The following AMBN variants were observed in gnomAD, a reference collection of about 807,000 sequenced individuals.
AMBN encodes ameloblastin, also known as enamel matrix protein.
A neutral mutation model predicts 48.0 loss-of-function variants in AMBN; 54 were observed. That is an observed-to-expected ratio of 1.12 (90% CI 0.90 to 1.41). The LOEUF (loss-of-function observed/expected upper bound fraction) is 1.41, where lower values mean the gene tolerates loss of function less well. AMBN is among the 40% of genes most tolerant of loss of function. The pLI, the probability that AMBN is intolerant of heterozygous loss-of-function variation, is 0.00. For synonymous variants in AMBN, 186 were observed against 190.0 expected, an observed-to-expected ratio of 0.98 and a Z score of 0.17; for missense variants, 571 against 547.3, an observed-to-expected ratio of 1.04 and a Z score of -0.43.
chr4:70,603,079 A>AT lies in AMBN; in HGVS notation c.648+75dup, dbSNP rs1334831743. ...TCTATATTTCAAAAAATAAGAGTGA[A>AT]TTTTTTCATTGTCCCATTTATCCAT... On this transcript the variant is annotated intron_variant, in intron 9 of 12. Coordinates refer to ENST00000322937, the MANE Select transcript of AMBN (RefSeq NM_016519.6). The AT allele has an allele frequency of 4.6e-6, 7 of 1,509,030 alleles. No homozygotes were observed. In the East Asian group the frequency reaches 1.6e-4, roughly 34 times the overall value. The allele number at this position is 1,509,030 out of a possible 1,614,324, so 93.5% of individuals were successfully genotyped here.
intron 6 of AMBN, chr4:70,601,911 A>G (rs772271187): frequency 1.7e-6 from 1 of 583,278 alleles, no homozygotes; most frequent in South Asian, 1.5e-5. Context: ...TAGTTGCGAA[A>G]GATGAAAACT....
At position 70,603,436 on chromosome 4, in the gene AMBN, C is replaced by T. The variant is rs140073076; in HGVS notation, c.729C>T (p.Tyr243=). The part of the protein sequence containing the change: ...KQSPLYPGML[Y]VPFGANQLNA... Reference sequence around the variant, plus strand: ...TTTAGCTTTATCCAGGAATGTTGTACGTGCCTTTTGGAGCAAATCAATTGG... The same window carrying T: ...TTTAGCTTTATCCAGGAATGTTGTATGTGCCTTTTGGAGCAAATCAATTGG... The change falls in exon 11 of 13, where the codon TAC becomes TAT. Residue 243 remains tyrosine (Y), a synonymous_variant. Transcript: ENST00000322937. The T allele has an allele frequency of 2.9e-5, 47 of 1,612,668 alleles. 1 individual carries two copies. The African/African-American group carries it at 3.5e-4, about 12-fold the overall frequency.
intron 4 of AMBN, 63 bp from the exon 5 acceptor site, chr4:70,599,473 A>G (rs1423966484): frequency 7.8e-7 from 1 of 1,280,692 alleles, no homozygotes; most frequent in Non-Finnish European, 1.1e-6. Flanking sequence ...GGAAAACCAA[A>G]TATAACCAAT....
chr4:70,599,581 C>T lies in AMBN; in HGVS notation c.229C>T (p.His77Tyr), dbSNP rs1254721020. ...FGKSFNSLWM[H>Y]GLLPPHSSLP... ...AAAATCATTTAATTCTTTGTGGATGCACGGTCTCCTCCCACCACATTCCTC... is the reference window on the plus strand; with the variant it reads ...AAAATCATTTAATTCTTTGTGGATGTACGGTCTCCTCCCACCACATTCCTC... The change falls in exon 5 of 13, where the codon CAC becomes TAC. Residue 77 changes from histidine to tyrosine, a missense_variant. By Grantham distance (83) the His-to-Tyr change is moderately conservative (BLOSUM62 2). Transcript: ENST00000322937. 1 of 1,613,308 alleles carries T rather than the reference C, an allele frequency of 6.2e-7. No individual in the cohort carries two copies. Among genetic ancestry groups the T allele is most frequent in the Admixed American group, 1.7e-5 (1 of 59,946 alleles).
Position 70,599,554 on chromosome 4 carries a change from G to A in AMBN, c.202G>A (p.Gly68Arg), listed in dbSNP as rs201505714. 1.1e-4 allele frequency: 182 copies of A among 1,611,950 alleles called. No individual in the cohort carries two copies. Among genetic ancestry groups the A allele is most frequent in the Non-Finnish European group, 2.4e-5 (28 of 1,178,894 alleles). The change falls in exon 5 of 13, where the codon GGA (glycine) becomes AGA (arginine). Residue 68 changes from glycine (G) to arginine (R), a missense_variant. By Grantham distance (125) the Gly-to-Arg change is moderately radical. Transcript: ENST00000322937. ...TLSQYSRYGF[G>R]KSFNSLWMHG... ...TCTTTAGTATTCTAGATACGGCTTT[G>A]GAAAATCATTTAATTCTTTGTGGAT...
chr4:70,592,789 A>G (rs1180700794), intron 1 of AMBN, among the ~76,000 whole-genome samples: 1 of 152,178 alleles, frequency 6.6e-6, no homozygotes, highest in African/African-American at 2.4e-5. Context: ...AAGATAGCCA[A>G]TTTACTCTCA....
In AMBN at chr4:70,606,454, C is replaced by T. The variant is rs751867964; in HGVS notation, c.1068C>T (p.Leu356=). The T allele has an allele frequency of 6.2e-7, 1 of 1,613,958 alleles. No homozygotes were observed. Among genetic ancestry groups the T allele is most frequent in the Non-Finnish European group, 8.5e-7 (1 of 1,179,980 alleles). ...EPAPHAGLLA[L]PKDDIPGLPR... ...CTCCCCACGCAGGGCTCCTTGCTCT[C>T]CCTAAGGATGACATTCCCGGCCTGC... Residue 356 remains leucine, a synonymous_variant, in exon 13 of 13, where the codon CTC becomes CTT. Transcript: ENST00000322937.
chr4:70,592,660 CTATT>C (rs1331641687), intron 1 of AMBN, among the ~76,000 whole-genome samples: 3 of 151,726 alleles, frequency 2.0e-5, no homozygotes, highest in Non-Finnish European at 4.4e-5. Context: ...ATTCAGATCT[CTATT>C]CATGTAAGAA....
intron 2 of AMBN, among the ~76,000 whole-genome samples, chr4:70,596,146 C>T (rs537817133): frequency 1.7e-3 from 259 of 151,974 alleles, no homozygotes; most frequent in Middle Eastern, 3.4e-3. Flanking sequence ...AAAAATTAGC[C>T]GGGCTTGGTG....
At position 70,601,544 on chromosome 4, in the gene AMBN, A is replaced by G. The variant is rs1209216315; in HGVS notation, c.421A>G (p.Lys141Glu). 1 of 1,614,200 alleles carries G rather than the reference A, an allele frequency of 6.2e-7. No individual in the cohort carries two copies. The highest frequency in any genetic ancestry group is 8.5e-7 in the Non-Finnish European group (1 of 1,179,994). ...AACCACCAACCAGGCCACAGCACTG[A>G]AAGAAGCACTTCAGCCTCCAATTCA... Reference protein sequence around the residue: ...AATTNQATALKEALQPPIHLG... With the variant: ...AATTNQATALEEALQPPIHLG... Residue 141 changes from lysine (K) to glutamate (E), a missense_variant, in exon 6 of 13, where the codon AAA becomes GAA. Coordinates refer to ENST00000322937, the MANE Select transcript of AMBN (RefSeq NM_016519.6).
intron 2 of AMBN, among the ~76,000 whole-genome samples, chr4:70,594,490 T>C (rs1163672212): frequency 6.6e-6 from 1 of 152,244 alleles, no homozygotes; most frequent in African/African-American, 2.4e-5. Flanking sequence ...TAGCTCACAG[T>C]TGGCCTCAAA....
At position 70,603,919 on chromosome 4, in the gene AMBN, G is replaced by T. The variant is rs141521373; in HGVS notation, c.796G>T (p.Ala266Ser). ...RLGIMSSEEV[A>S]GGREDPMAYG... ...TGGCATCATGAGTTCAGAAGAAGTG[G>T]CAGTGAGTAATGTCTTCTAACTCTT... Residue 266 changes from alanine to serine, a missense_variant and splice_region_variant, in exon 12 of 13, where the codon GCA becomes TCA. By Grantham distance (99) the Ala-to-Ser change is moderately conservative (BLOSUM62 1). Coordinates refer to ENST00000322937, the MANE Select transcript of AMBN (RefSeq NM_016519.6). 11 of 1,613,776 alleles carry T rather than the reference G, an allele frequency of 6.8e-6. No homozygotes were observed. In the African/African-American group the frequency reaches 1.2e-4, roughly 18 times the overall value.
intron 3 of AMBN, 130 bp from the exon 4 acceptor site, chr4:70,598,226 G>C (rs1737432240): frequency 2.0e-6 from 1 of 493,468 alleles, no homozygotes; most frequent in Non-Finnish European, 3.5e-6. Context: ...GTGATGATTT[G>C]TGTCTACTTT....
intron 2 of AMBN, among the ~76,000 whole-genome samples, chr4:70,593,783 TG>T (rs1737328672): frequency 6.6e-6 from 1 of 151,896 alleles, no homozygotes; most frequent in Non-Finnish European, 1.5e-5. Flanking sequence ...GAGAATTGCT[TG>T]AACCTGGGAG....
At chr4:70,601,846 A>C in intron 6 of AMBN, 192 bp downstream of exon 6, 1 of 704,082 alleles carries the variant, frequency 1.4e-6, no homozygotes, top group East Asian at 2.8e-5. Flanking sequence ...ATCTTTTGCC[A>C]TCAGAGACAG....
intron 12 of AMBN, 57 bp from the exon 13 acceptor site, chr4:70,606,128 A>C: frequency 6.3e-7 from 1 of 1,577,526 alleles, no homozygotes; most frequent in Middle Eastern, 1.8e-4. Flanking sequence ...GTATAGCTGC[A>C]TGGTATAGTT....
In AMBN at chr4:70,606,847, A is replaced by C; in HGVS notation, c.*117A>C. On this transcript the variant is annotated 3_prime_UTR_variant, in exon 13 of 13. Coordinates refer to ENST00000322937, the MANE Select transcript of AMBN (RefSeq NM_016519.6). ...CTGCAGCAAAGGCATTAAAAGCGCT[A>C]AGCATATATTAATAAATGCAAGTGG... The C allele has an allele frequency of 8.7e-7, 1 of 1,145,986 alleles. No homozygotes were observed. Among genetic ancestry groups the C allele is most frequent in the East Asian group, 2.6e-5 (1 of 39,084 alleles). 71.0% of individuals were successfully genotyped at this position (1,145,986 alleles called of 1,614,324 possible).
At position 70,593,430 on chromosome 4, in the gene AMBN, T is replaced by C. The variant is rs1737319169; in HGVS notation, c.84+35T>C. ...TCTTTAGAGTGTGTCCCAGAAAAGGTTATTGATTGTCGAACTCCAAACAAC... is the reference window on the plus strand; with the variant it reads ...TCTTTAGAGTGTGTCCCAGAAAAGGCTATTGATTGTCGAACTCCAAACAAC... On this transcript the variant is annotated intron_variant, in intron 2 of 12. Coordinates refer to ENST00000322937, the MANE Select transcript of AMBN (RefSeq NM_016519.6). 3 of 1,557,986 alleles carry C rather than the reference T, an allele frequency of 1.9e-6. No homozygotes were observed. The African/African-American group carries it at 4.1e-5, about 21-fold the overall frequency.
chr4:70,603,218 G>A (rs771613177), intron 9 of AMBN, 42 bp from the exon 10 acceptor site: 1 of 1,576,792 alleles, frequency 6.3e-7, no homozygotes, highest in South Asian at 1.1e-5. Flanking sequence ...TTATGGGGAT[G>A]TGCCTGTGAG....
Sources: allele counts gnomAD v4.1 joint callset (sites outside exome capture counted in the v4.1 genomes callset), GRCh38; gene constraint gnomAD v4.1.1; transcripts MANE v1.5; gene names NCBI Gene and HGNC (gene_info 2026-07-23, HGNC 2026-07-21).